Variants in ENTPD6 observed in about 807,000 individuals in gnomAD.
ENTPD6 encodes the protein ectonucleoside triphosphate diphosphohydrolase 6.
In ENTPD6, 46 loss-of-function variants were observed where a neutral mutation model predicts 61.5. The observed-to-expected ratio is 0.75, with a 90% CI of 0.59 to 0.96. The LOEUF (loss-of-function observed/expected upper bound fraction) is 0.96. Among genes scored for constraint, ENTPD6 ranks in the 40% least tolerant of loss-of-function variants. ENTPD6 has a pLI of 0.00. For missense variants in ENTPD6, 612 were observed against 629.0 expected, an observed-to-expected ratio of 0.97 and a Z score of 0.29; for synonymous variants, 252 against 255.5, an observed-to-expected ratio of 0.99 and a Z score of 0.13.
At chr20:25,220,587 G>A (rs1037242428) in intron 10 of ENTPD6, among the ~76,000 whole-genome samples, 2 of 152,060 alleles carry the variant, frequency 1.3e-5, no homozygotes, top group Admixed American at 6.5e-5. Flanking sequence ...ACATGGCCTC[G>A]CCCCAGCAGA....
intron 1 of ENTPD6, chr20:25,197,074 A>G (rs2090515313): frequency 2.0e-6 from 2 of 985,248 alleles, no homozygotes. Context: ...GATGAGTGGA[A>G]GTTTCTAATG....
At position 25,214,904 on chromosome 20, in the gene ENTPD6, G is replaced by C; in HGVS notation, c.635G>C (p.Gly212Ala). Reference sequence around the variant, plus strand: ...TTTAAAGCATCGCCTTTCCTTGTAGGGGATGACTGTGTTTCCATCATGAAC... The same window carrying C: ...TTTAAAGCATCGCCTTTCCTTGTAGCGGATGACTGTGTTTCCATCATGAAC... ...KVFKASPFLV[G>A]DDCVSIMNGT... Residue 212 changes from glycine to alanine, a missense_variant, in exon 6 of 15, where the codon GGG becomes GCG. Coordinates refer to ENST00000376652, the MANE Select transcript of ENTPD6 (RefSeq NM_001247.5). The C allele has an allele frequency of 6.2e-7, 1 of 1,608,016 alleles. No individual in the cohort carries two copies. The highest frequency in any genetic ancestry group is 1.1e-5 in the South Asian group (1 of 90,984).
At chr20:25,218,949 C>T (rs886960101) in intron 10 of ENTPD6, among the ~76,000 whole-genome samples, 1 of 152,200 alleles carries the variant, frequency 6.6e-6, no homozygotes, top group Admixed American at 6.5e-5. Context: ...TAGCATGATC[C>T]CAGCTCACTG....
chr20:25,217,594 G>C lies in ENTPD6; in HGVS notation c.878+13G>C. On this transcript the variant is annotated intron_variant, in intron 9 of 14. Coordinates refer to ENST00000376652, the MANE Select transcript of ENTPD6 (RefSeq NM_001247.5). Reference sequence around the variant, plus strand: ...TCTATTCCTACAGGTCTGCTTTCGGGAACAGGCGTGGGGAGGCGCCATGGG... The same window carrying C: ...TCTATTCCTACAGGTCTGCTTTCGGCAACAGGCGTGGGGAGGCGCCATGGG... The C allele has an allele frequency of 6.2e-7, 1 of 1,613,438 alleles. No homozygotes were observed. Among genetic ancestry groups the C allele is most frequent in the Non-Finnish European group, 8.5e-7 (1 of 1,179,482 alleles).
Position 25,217,623 on chromosome 20 carries a change from G to C in ENTPD6, c.878+42G>C, listed in dbSNP as rs1211472621. The C allele has an allele frequency of 1.9e-6, 3 of 1,557,480 alleles. No individual in the cohort carries two copies. The Admixed American group carries it at 5.0e-5, about 26-fold the overall frequency. On this transcript the variant is annotated intron_variant, in intron 9 of 14. Coordinates refer to ENST00000376652, the MANE Select transcript of ENTPD6 (RefSeq NM_001247.5). ...AGGCGTGGGGAGGCGCCATGGGGTG[G>C]GTATGCAGCTCCCAGGGCCTCGCAT... is the stretch of plus-strand genomic sequence containing the variant.
intron 11 of ENTPD6, chr20:25,222,622 C>T (rs543498268): frequency 1.1e-5 from 6 of 530,866 alleles, no homozygotes; most frequent in South Asian, 1.1e-4. Context: ...GGTCTTCACT[C>T]CCTGCGCCGG....
At chr20:25,198,065 G>A (rs901013755) in intron 1 of ENTPD6, among the ~76,000 whole-genome samples, 2 of 152,016 alleles carry the variant, frequency 1.3e-5, no homozygotes, top group African/African-American at 4.8e-5. Flanking sequence ...GCACATAAAG[G>A]GTTTTTTTAA....
In ENTPD6 at chr20:25,208,137, G is replaced by A. The variant is rs1159703331; in HGVS notation, c.376+740G>A. Among the ~76,000 whole-genome samples, 5 of 152,218 alleles carry A rather than the reference G, an allele frequency of 3.3e-5. No individual in the cohort carries two copies. The East Asian group carries it at 7.7e-4, about 23-fold the overall frequency. ...GCTCTTCTTGGCTGACCTGGAACCT[G>A]TGGGGTAGACACCATCCTGGCATTG... On this transcript the variant is annotated intron_variant, in intron 3 of 14. Coordinates refer to ENST00000376652, the MANE Select transcript of ENTPD6 (RefSeq NM_001247.5).
At chr20:25,223,920 C>G in intron 12 of ENTPD6, 181 bp from the exon 13 acceptor site, 1 of 492,592 alleles carries the variant, frequency 2.0e-6, no homozygotes, top group Non-Finnish European at 3.6e-6. Flanking sequence ...CCACCCCACA[C>G]CACATCACCC....
chr20:25,207,033 G>A (rs769261142), intron 2 of ENTPD6, 43 bp from the exon 3 acceptor site: 3 of 1,544,818 alleles, frequency 1.9e-6, no homozygotes, highest in African/African-American at 1.4e-5. Context: ...TTGGATCCTA[G>A]CACCCTAACG....
At position 25,213,316 on chromosome 20, in the gene ENTPD6, C is replaced by T. The variant is rs144827458; in HGVS notation, c.507C>T (p.Phe169=). Residue 169 remains phenylalanine, a synonymous_variant, in exon 5 of 15, where the codon TTC becomes TTT. Coordinates refer to ENST00000376652, the MANE Select transcript of ENTPD6 (RefSeq NM_001247.5). ...ATGTTGCTAAACAGGACATTCCGTT[C>T]GACTTCTGGAAGGCCACCCCTCTGG... ...LLDVAKQDIP[F]DFWKATPLVL... is the part of the protein sequence containing the mutation. 2.5e-5 allele frequency: 40 copies of T among 1,614,104 alleles called. No individual in the cohort carries two copies. In the Admixed American group the frequency reaches 4.5e-4, roughly 18 times the overall value.
At chr20:25,215,055 TC>T (rs1169021521) in intron 6 of ENTPD6, 113 bp downstream of exon 6, 6 of 690,282 alleles carry the variant, frequency 8.7e-6, no homozygotes, top group African/African-American at 3.6e-5. Flanking sequence ...GGGAGCCTCC[TC>T]CCCCGTCCGA....
At chr20:25,196,345 G>C in intron 1 of ENTPD6, 1 of 604,520 alleles carries the variant, frequency 1.7e-6, no homozygotes, top group Non-Finnish European at 2.1e-6. Flanking sequence ...TAGGTGGTCA[G>C]GGCGGTTCTG....
Position 25,206,609 on chromosome 20 carries a change from G to T in ENTPD6, c.54+19G>T. ...TTTTCAGGTTTGTCTGGGGCTCTCA[G>T]TAGTTGCCCAAGGGACGGAGTTTAA... On this transcript the variant is annotated intron_variant, in intron 2 of 14. Transcript: ENST00000376652. 1.3e-6 allele frequency: 2 copies of T among 1,584,716 alleles called. No individual in the cohort carries two copies. The highest frequency in any genetic ancestry group is 1.7e-6 in the Non-Finnish European group (2 of 1,152,992).
intron 9 of ENTPD6, 87 bp from the exon 10 acceptor site, chr20:25,218,462 TC>T: frequency 8.0e-7 from 1 of 1,246,588 alleles, no homozygotes. Flanking sequence ...AGCTCCCCCT[TC>T]CCCACTCGGG....
intron 3 of ENTPD6, 112 bp downstream of exon 3, chr20:25,207,509 A>G: frequency 1.0e-6 from 1 of 974,114 alleles, no homozygotes; most frequent in Admixed American, 3.0e-5. Flanking sequence ...AGTTTCCCAG[A>G]GATGCTGACG....
intron 1 of ENTPD6, among the ~76,000 whole-genome samples, chr20:25,204,966 G>T (rs1041687376): frequency 6.6e-6 from 1 of 152,130 alleles, no homozygotes; most frequent in Non-Finnish European, 1.5e-5. Flanking sequence ...GTTTCTCTGT[G>T]GGGGAACAAG....
rs554918550 is a variant in ENTPD6, at chr20:25,214,042, C to T, written c.597+636C>T. Among the ~76,000 whole-genome samples, 14 of 152,304 alleles carry T rather than the reference C, an allele frequency of 9.2e-5. No individual in the cohort carries two copies. The South Asian group carries it at 2.3e-3, about 25-fold the overall frequency. ...GAGCCCCGGTGCTGCAGCTGAAGCC[C>T]GTTTGTTCCCCATGGCAGCTGCTCA... On this transcript the variant is annotated intron_variant, in intron 5 of 14. Transcript: ENST00000376652.
rs1306054668 is a variant in ENTPD6, at chr20:25,227,808, G to A, written c.*2211G>A. Among the ~76,000 whole-genome samples the A allele has an allele frequency of 6.6e-6, 1 of 152,242 alleles. No individual in the cohort carries two copies. The highest frequency in any genetic ancestry group is 6.5e-5 in the Admixed American group (1 of 15,288). ...TCAGGGCATAAGCAGACGTTGCCAC[G>A]TTGCCTTCAATCCTACTGGACAAGC... On this transcript the variant is annotated 3_prime_UTR_variant, in exon 15 of 15. Coordinates refer to ENST00000376652, the MANE Select transcript of ENTPD6 (RefSeq NM_001247.5).
Sources: allele counts gnomAD v4.1 joint callset (sites outside exome capture counted in the v4.1 genomes callset), GRCh38; gene constraint gnomAD v4.1.1; transcripts MANE v1.5; gene names NCBI Gene and HGNC (gene_info 2026-07-23, HGNC 2026-07-21).